SDR42E2: variants seen among roughly 807,000 people sequenced by gnomAD.
The protein encoded by SDR42E2 is putative short-chain dehydrogenase/reductase family 42E member 2.
A neutral mutation model predicts 10.5 loss-of-function variants in SDR42E2; 20 were observed. The ratio of observed to expected loss-of-function variants is 1.90; its 90% CI spans 1.34 to 2.77. The LOEUF (loss-of-function observed/expected upper bound fraction) is 2.77, where lower values mean the gene tolerates loss of function less well. Ranked by LOEUF, SDR42E2 falls within the 30% of genes most tolerant of loss-of-function variation. The pLI, the probability that SDR42E2 is intolerant of heterozygous loss-of-function variation, is 0.00. For missense variants in SDR42E2, 162 were observed against 104.2 expected (o/e 1.55, Z -2.42); for synonymous variants, 72 against 39.2 (o/e 1.84, Z -3.12).
Position 22,184,006 on chromosome 16 carries a change from G to A in SDR42E2, c.877-175G>A, listed in dbSNP as rs540097545. ...CCTTGGGTTTTCTGGGTCAAGGTGCGGATTTCATTTCAATACTGGCACAGG... is the reference window on the plus strand; with the variant it reads ...CCTTGGGTTTTCTGGGTCAAGGTGCAGATTTCATTTCAATACTGGCACAGG... On this transcript the variant is annotated intron_variant, in intron 10 of 12. Transcript: ENST00000602312. 7.9e-5 allele frequency among the ~76,000 whole-genome samples: 12 copies of A among 152,194 alleles called. No individual in the cohort carries two copies. In the South Asian group the frequency reaches 1.2e-3, roughly 16 times the overall value.
intron 7 of SDR42E2, among the ~76,000 whole-genome samples, chr16:22,175,318 G>C (rs903564726): frequency 6.6e-6 from 1 of 152,180 alleles, no homozygotes; most frequent in Admixed American, 6.6e-5. Context: ...AAAATGACCT[G>C]GTGTGGTGGT....
Position 22,178,327 on chromosome 16 carries a change from G to A in SDR42E2, c.672+115G>A, listed in dbSNP as rs375580974. On this transcript the variant is annotated intron_variant, in intron 8 of 12. Transcript: ENST00000602312. ...CATCAGTCTCGAGGCTAAGTGTCCT[G>A]AGCCTGGAACCCTCAGTTCTACAAG... 37 of 618,368 alleles carry A rather than the reference G, an allele frequency of 6.0e-5. 1 individual carries two copies. The highest frequency in any genetic ancestry group is 3.2e-4 in the East Asian group (11 of 34,862). 38.3% of individuals were successfully genotyped at this position (618,368 alleles called of 1,614,324 possible). A position where few individuals can be genotyped will look rare whatever the true frequency, so the allele number is the denominator to read the frequency against.
chr16:22,169,778 C>A (rs1034478695), intron 5 of SDR42E2, among the ~76,000 whole-genome samples: 4 of 152,160 alleles, frequency 2.6e-5, no homozygotes, highest in Non-Finnish European at 5.9e-5. Flanking sequence ...TGCCTGTAAT[C>A]CCAGCACTTT....
chr16:22,185,337 T>C (rs748982086), intron 11 of SDR42E2, among the ~76,000 whole-genome samples: 2 of 152,134 alleles, frequency 1.3e-5, no homozygotes, highest in African/African-American at 2.4e-5. Context: ...GTTGCAAATT[T>C]TTGTTCACCA....
intron 12 of SDR42E2, among the ~76,000 whole-genome samples, chr16:22,187,548 T>C (rs1286469086): frequency 2.6e-5 from 4 of 151,478 alleles, no homozygotes; most frequent in African/African-American, 7.3e-5. Flanking sequence ...AGGCTGCAGA[T>C]TGCACCACTG....
rs2046694468 is a variant in SDR42E2, at chr16:22,181,543, A to G, written c.697A>G (p.Met233Val). 2.8e-6 allele frequency: 2 copies of G among 703,028 alleles called. No homozygotes were observed. Among genetic ancestry groups the G allele is most frequent in the Middle Eastern group, 2.3e-4 (1 of 4,370 alleles). 43.5% of individuals were successfully genotyped at this position (703,028 alleles called of 1,614,324 possible). ...GGGCCACATCAAGAAGAGGCTGTTC[A>G]TGTTCCGATTTGGGGACCACAAGGC... ...VAGHIKKRLF[M>V]FRFGDHKARM... Residue 233 changes from methionine (M) to valine (V), a missense_variant, in exon 9 of 13, where the codon ATG becomes GTG. Met to Val is a conservative substitution (Grantham distance 21). Coordinates refer to ENST00000602312, the MANE Select transcript of SDR42E2 (RefSeq NM_001394319.2).
chr16:22,181,462 C>A (rs563201450), intron 8 of SDR42E2, 57 bp from the exon 9 acceptor site: 3 of 701,880 alleles, frequency 4.3e-6, no homozygotes, highest in Non-Finnish European at 2.6e-6. Flanking sequence ...AGCATCTAGA[C>A]GGAATGTAAA....
At chr16:22,180,301 G>C (rs2046681844) in intron 8 of SDR42E2, among the ~76,000 whole-genome samples, 1 of 152,136 alleles carries the variant, frequency 6.6e-6, no homozygotes, top group African/African-American at 2.4e-5. Context: ...TTGGGAGGCT[G>C]AGATGGGAAG....
intron 7 of SDR42E2, among the ~76,000 whole-genome samples, chr16:22,173,745 G>A (rs909679604): frequency 5.9e-5 from 9 of 151,784 alleles, no homozygotes; most frequent in African/African-American, 1.2e-4. Context: ...TATTTGGGCC[G>A]GTACAGTGGC....
intron 1 of SDR42E2, among the ~76,000 whole-genome samples, chr16:22,163,746 G>A (rs1598125277): frequency 1.3e-5 from 2 of 151,900 alleles, no homozygotes; most frequent in Admixed American, 1.3e-4. Flanking sequence ...GTGCTTATAC[G>A]GGGCAGGACT....
intron 9 of SDR42E2, 124 bp downstream of exon 9, chr16:22,181,780 C>A (rs1181778201): frequency 1.8e-5 from 11 of 622,170 alleles, no homozygotes; most frequent in Non-Finnish European, 3.2e-5. Flanking sequence ...TGGTGGGACT[C>A]TCAGCCCAGG....
At chr16:22,172,173 G>A (rs948968631) in intron 6 of SDR42E2, 83 bp from the exon 7 acceptor site, 36 of 697,172 alleles carry the variant, frequency 5.2e-5, no homozygotes, top group African/African-American at 4.5e-4. Context: ...CCCCAGGGAA[G>A]GTGCAGCCCT....
rs558498190 is a variant in SDR42E2 at position 22,191,413 on chromosome 16, C to T, written c.*1020C>T. On this transcript the variant is annotated 3_prime_UTR_variant, in exon 13 of 13. Coordinates refer to ENST00000602312, the MANE Select transcript of SDR42E2 (RefSeq NM_001394319.2). ...GTAGGTTCTCCCCGGAACCAGGCTG[C>T]CGCGTCGCTATGGGCTAACGCAGGC... 7.4e-4 allele frequency: 113 copies of T among 152,648 alleles called. 1 individual carries two copies. Among genetic ancestry groups the T allele is most frequent in the South Asian group, 7.1e-3 (36 of 5,088 alleles). The allele number at this position is 152,648 out of a possible 1,614,324, so 9.5% of individuals were successfully genotyped here.
chr16:22,178,205 G>C lies in SDR42E2; in HGVS notation c.665G>C (p.Arg222Pro), dbSNP rs771242010. The C allele has an allele frequency of 2.8e-6, 2 of 702,640 alleles. No individual in the cohort carries two copies. Among genetic ancestry groups the C allele is most frequent in the African/African-American group, 3.5e-5 (2 of 57,250 alleles). The allele number at this position is 702,640 out of a possible 1,614,324, so 43.5% of individuals were successfully genotyped here. The stretch of plus-strand genomic sequence containing the variant: ...CCTGAAGAGCAGAGGCACCTGCCCC[G>C]TGTGGCGGTACGTCATCCCCGCCTT... ...YGPEEQRHLP[R>P]VAGHIKKRLF... The change falls in exon 8 of 13, where the codon CGT becomes CCT. Residue 222 changes from arginine (R) to proline (P), a missense_variant. Arg to Pro is a moderately radical substitution (Grantham distance 103, BLOSUM62 -2). Transcript: ENST00000602312.
chr16:22,167,350 A>G (rs988470793), intron 4 of SDR42E2, among the ~76,000 whole-genome samples: 1 of 151,492 alleles, frequency 6.6e-6, no homozygotes, highest in Non-Finnish European at 1.5e-5. Flanking sequence ...ACGCCCAGCT[A>G]ATTTTTGTAT....
chr16:22,178,361 G>T, intron 8 of SDR42E2, 149 bp downstream of exon 8: 1 of 588,480 alleles, frequency 1.7e-6, no homozygotes, highest in South Asian at 2.0e-5. Flanking sequence ...AGATGTTCCT[G>T]CCCCCACTGG....
chr16:22,169,206 T>G (rs1046677121), intron 4 of SDR42E2, among the ~76,000 whole-genome samples: 11 of 152,010 alleles, frequency 7.2e-5, no homozygotes, highest in African/African-American at 2.7e-4. Context: ...GGGGAGGAGG[T>G]TGGCCCTCAC....
In SDR42E2 at chr16:22,169,495, G is replaced by T; in HGVS notation, c.387G>T (p.Val129=). 1.4e-6 allele frequency: 1 copy of T among 703,602 alleles called. No individual in the cohort carries two copies. The highest frequency in any genetic ancestry group is 2.6e-6 in the Non-Finnish European group (1 of 385,130). The allele number at this position is 703,602 out of a possible 1,614,324, so 43.6% of individuals were successfully genotyped here. A position where few individuals can be genotyped will look rare whatever the true frequency, so the allele number is the denominator to read the frequency against. Residue 129 remains valine (V), a synonymous_variant, in exon 5 of 13, where the codon GTG becomes GTT. Transcript: ENST00000602312. Reference sequence around the variant, plus strand: ...TAAATGTTGGAGGCACCAAACTAGTGATTGATGGTAGGTGCTCAGAGCCGG... The same window carrying T: ...TAAATGTTGGAGGCACCAAACTAGTTATTGATGGTAGGTGCTCAGAGCCGG... ...ESINVGGTKL[V]IDVCVRRRVP...
rs142344595 is a variant in SDR42E2 at position 22,174,061 on chromosome 16, G to A, written c.589+1730G>A. Among the ~76,000 whole-genome samples, 292 of 149,802 alleles carry A rather than the reference G, an allele frequency of 1.9e-3. 2 individuals carry two copies. The highest frequency in any genetic ancestry group is 6.0e-3 in the African/African-American group (244 of 40,726). On this transcript the variant is annotated intron_variant, in intron 7 of 12. Transcript: ENST00000602312. ...AAAAATTATAATCCTCACTGGGTGC[G>A]GTGGCTCACACTTGTAATCCCAGCA... is the stretch of plus-strand genomic sequence containing the variant.
Sources: allele counts gnomAD v4.1 joint callset (sites outside exome capture counted in the v4.1 genomes callset), GRCh38; gene constraint gnomAD v4.1.1; transcripts MANE v1.5; gene names NCBI Gene and HGNC (gene_info 2026-07-23, HGNC 2026-07-21).